PRELID2: variants seen among roughly 807,000 people sequenced by gnomAD.
The protein encoded by PRELID2 is PRELI domain-containing protein 2.
Under a neutral mutation model 28.4 loss-of-function variants are expected in PRELID2, and 25 were observed. That is an observed-to-expected ratio of 0.88 (90% CI 0.64 to 1.23). The LOEUF (loss-of-function observed/expected upper bound fraction) is 1.23. Ranked by LOEUF, PRELID2 falls within the 50% of genes most tolerant of loss-of-function variation. PRELID2 has a pLI of 0.00. For synonymous variants in PRELID2, 76 were observed against 71.6 expected (o/e 1.06, Z -0.31); for missense variants, 201 against 214.4 (o/e 0.94, Z 0.39).
chr5:145,528,720 CACACACAGAGAGAG>C (rs1752630185), intron 1 of PRELID2, among the ~76,000 whole-genome samples: 1 of 134,652 alleles, frequency 7.4e-6, no homozygotes, highest in African/African-American at 2.9e-5. Context: ...CACACACACA[CACACACAGAGAGAG>C]AGAGAGAGAG....
chr5:145,607,630 T>C (rs1753523958), intron 1 of PRELID2, among the ~76,000 whole-genome samples: 1 of 152,180 alleles, frequency 6.6e-6, no homozygotes, highest in Non-Finnish European at 1.5e-5. Flanking sequence ...TTTGGGGTTT[T>C]TTGATTTTGC....
At chr5:145,409,886 C>G in the PRELID2 span, among the ~76,000 whole-genome samples, 11 of 152,126 alleles carry the variant, frequency 7.2e-5, no homozygotes, top group Non-Finnish European at 1.6e-4. Flanking sequence ...AATCTGGAGG[C>G]TTCACATTAT....
Position 145,641,571 on chromosome 5 carries a change from T to C in PRELID2, n.70+123360A>G, listed in dbSNP as rs1444180035. ...TATGTGTGCAGAACATGCAGTTTTG[T>C]TACATAGGTATACACTTGCCATGGT... On this transcript the variant is annotated intron_variant and non_coding_transcript_variant, in intron 1 of 2. Transcript: ENST00000510259. 2.6e-5 allele frequency among the ~76,000 whole-genome samples: 4 copies of C among 152,244 alleles called. No individual in the cohort carries two copies. In the East Asian group the frequency reaches 5.8e-4, roughly 22 times the overall value.
chr5:145,735,350 A>T (rs1756466653), intron 1 of PRELID2, among the ~76,000 whole-genome samples: 1 of 152,054 alleles, frequency 6.6e-6, no homozygotes. Flanking sequence ...GATAATTGGG[A>T]GGGAGTTTAA....
the PRELID2 span, among the ~76,000 whole-genome samples, chr5:145,341,199 GA>G: frequency 9.4e-4 from 136 of 144,822 alleles, 2 homozygotes; most frequent in East Asian, 0.014. Flanking sequence ...AACAAGAAAA[GA>G]AAAAAAAAAT....
At chr5:145,782,372 C>T (rs1751693681) in intron 5 of PRELID2, among the ~76,000 whole-genome samples, 1 of 152,150 alleles carries the variant, frequency 6.6e-6, no homozygotes, top group Non-Finnish European at 1.5e-5. Context: ...GGAATTGGAC[C>T]TTTGTGTGCT....
chr5:145,736,660 G>C (rs1432948199), intron 1 of PRELID2, among the ~76,000 whole-genome samples: 3 of 152,076 alleles, frequency 2.0e-5, no homozygotes, highest in East Asian at 1.9e-4. Flanking sequence ...CCTGTAAAGG[G>C]ACAGAGGGCA....
chr5:145,353,387 C>T, the PRELID2 span, among the ~76,000 whole-genome samples: 4 of 151,984 alleles, frequency 2.6e-5, no homozygotes, highest in Non-Finnish European at 5.9e-5. Context: ...CGCTTGAACC[C>T]AGGAGCCAGA....
chr5:145,519,268 G>C (rs1266480094), intron 1 of PRELID2, among the ~76,000 whole-genome samples: 1 of 152,148 alleles, frequency 6.6e-6, no homozygotes, highest in Non-Finnish European at 1.5e-5. Flanking sequence ...ATAAGACACT[G>C]AATTTAAGAG....
the PRELID2 span, among the ~76,000 whole-genome samples, chr5:145,337,312 A>T: frequency 1.3e-5 from 2 of 152,030 alleles, no homozygotes; most frequent in Non-Finnish European, 2.9e-5. Flanking sequence ...GCAAACCTCT[A>T]GCTAGACTAA....
At chr5:145,438,958 T>C in the PRELID2 span, among the ~76,000 whole-genome samples, 9 of 152,152 alleles carry the variant, frequency 5.9e-5, no homozygotes, top group African/African-American at 2.2e-4. Flanking sequence ...GCTGCCTTTT[T>C]CTCTGATGCA....
At chr5:145,436,969 T>C in the PRELID2 span, 1 of 152,214 alleles carries the variant, frequency 6.6e-6, no homozygotes, top group Non-Finnish European at 1.5e-5. Flanking sequence ...GGAATGTGTT[T>C]CACGTCTATT....
the PRELID2 span, among the ~76,000 whole-genome samples, chr5:145,343,703 A>G: frequency 6.6e-6 from 1 of 151,820 alleles, no homozygotes; most frequent in Non-Finnish European, 1.5e-5. Context: ...ACCAAAAAAT[A>G]CAAAGAATAA....
At chr5:145,660,946 G>A (rs781137443) in intron 1 of PRELID2, among the ~76,000 whole-genome samples, 12 of 152,002 alleles carry the variant, frequency 7.9e-5, no homozygotes, top group Admixed American at 2.0e-4. Context: ...ATAGTATTTC[G>A]CCTACAGACT....
chr5:145,700,381 C>T (rs1182677960), intron 1 of PRELID2, among the ~76,000 whole-genome samples: 1 of 152,144 alleles, frequency 6.6e-6, no homozygotes, highest in East Asian at 1.9e-4. Context: ...TCCTAAATCC[C>T]TTTCCCCCCC....
chr5:145,407,222 A>G, the PRELID2 span, among the ~76,000 whole-genome samples: 1 of 152,068 alleles, frequency 6.6e-6, no homozygotes, highest in Non-Finnish European at 1.5e-5. Context: ...TGGAGCAAGA[A>G]CTCAGCCCTG....
chr5:145,315,025 T>C, the PRELID2 span, among the ~76,000 whole-genome samples: 2 of 151,630 alleles, frequency 1.3e-5, no homozygotes, highest in Non-Finnish European at 2.9e-5. Flanking sequence ...TGTAGCTGCC[T>C]ATTAAATTGT....
chr5:145,767,715 G>A (rs1322095853), intron 5 of PRELID2, among the ~76,000 whole-genome samples: 1 of 152,120 alleles, frequency 6.6e-6, no homozygotes, highest in African/African-American at 2.4e-5. Flanking sequence ...CTGAGTAAAT[G>A]AGGCAACCCC....
intron 1 of PRELID2, among the ~76,000 whole-genome samples, chr5:145,824,425 C>CGTGTGT (rs369429281): frequency 0.058 from 5,585 of 96,198 alleles, 318 homozygotes; most frequent in African/African-American, 0.13. Context: ...CCACAGCAGG[C>CGTGTGT]GTGTGTGTGT....
Sources: allele counts gnomAD v4.1 joint callset (sites outside exome capture counted in the v4.1 genomes callset), GRCh38; gene constraint gnomAD v4.1.1; transcripts MANE v1.5; gene names NCBI Gene and HGNC (gene_info 2026-07-23, HGNC 2026-07-21).